CDYL: variants seen among roughly 807,000 people sequenced by gnomAD.
CDYL encodes the protein chromodomain Y like, also known as chromodomain Y-like protein.
CDYL carries 8 observed loss-of-function variants against 47.3 expected under a neutral mutation model. The ratio of observed to expected loss-of-function variants is 0.17; its 90% CI spans 0.10 to 0.31. The LOEUF (loss-of-function observed/expected upper bound fraction) is 0.31, where lower values mean the gene tolerates loss of function less well. Among genes scored for constraint, CDYL ranks in the 10% least tolerant of loss-of-function variants. The probability of loss-of-function intolerance (pLI) is 1.00; values close to 1 mark genes in which losing one functional copy is unlikely to be tolerated. For synonymous variants in CDYL, 266 were observed against 265.0 expected, an observed-to-expected ratio of 1.00 and a Z score of -0.04; for missense variants, 471 against 701.4, an observed-to-expected ratio of 0.67 and a Z score of 3.71.
At chr6:4,916,955 G>C (rs17138959) in intron 2 of CDYL, among the ~76,000 whole-genome samples, 13,244 of 152,224 alleles carry the variant, frequency 0.087, 1,471 homozygotes, top group African/African-American at 0.26. Context: ...CTGCCCACCA[G>C]AGAACTTCAG....
intron 2 of CDYL, chr6:4,724,900 C>A (rs1312046771): frequency 3.3e-5 from 5 of 152,224 alleles, no homozygotes; most frequent in African/African-American, 1.2e-4. Context: ...CTGGCTCGGG[C>A]AGCCTGCTTT....
At chr6:4,863,524 ATTG>A (rs1248052999) in intron 1 of CDYL, among the ~76,000 whole-genome samples, 2 of 152,178 alleles carry the variant, frequency 1.3e-5, no homozygotes, top group Non-Finnish European at 2.9e-5. Flanking sequence ...CTAACTAGGT[ATTG>A]TTTGACATTT....
At chr6:4,773,388 A>T (rs1310759057), upstream of CDYL, among the ~76,000 whole-genome samples, 2 of 152,158 alleles carry the variant, frequency 1.3e-5, no homozygotes, top group African/African-American at 4.8e-5. The surrounding 1 kb of genome is among the most constrained non-coding windows in gnomAD (Gnocchi z 4.6). Context: ...AATAGCACCC[A>T]CACACGTGGT....
At position 4,714,136 on chromosome 6, in the gene CDYL, G is replaced by A. The variant is rs1216723363; in HGVS notation, c.-38-1605G>A. On this transcript the variant is annotated intron_variant, in intron 1 of 8. Coordinates refer to the CDYL transcript ENST00000328908. The stretch of plus-strand genomic sequence containing the variant: ...TCATTTATTCATCCACACAGGGGAG[G>A]TTTGGGGCCAGGATCAAACCCACGT... The A allele has an allele frequency of 2.6e-5, 4 of 151,916 alleles. No individual in the cohort carries two copies. The South Asian group carries it at 8.3e-4, about 32-fold the overall frequency. 9.4% of individuals were successfully genotyped at this position (151,916 alleles called of 1,614,324 possible).
At chr6:4,869,688 C>T (rs1761420453) in intron 1 of CDYL, among the ~76,000 whole-genome samples, 1 of 152,070 alleles carries the variant, frequency 6.6e-6, no homozygotes, top group Non-Finnish European at 1.5e-5. Context: ...TTAATAACTA[C>T]CCTAATTCTA....
In CDYL at chr6:4,831,686, C is replaced by T. The variant is rs1368861188; in HGVS notation, c.24+54879C>T. ...ACCTTGGGCAGTGTGGCCATTTTCA[C>T]GATATTGATTCTTCCTACCCATGAG... On this transcript the variant is annotated intron_variant, in intron 1 of 6. Coordinates refer to ENST00000397588, the MANE Select transcript of CDYL (RefSeq NM_004824.4). Among the ~76,000 whole-genome samples, 45 of 152,120 alleles carry T rather than the reference C, an allele frequency of 3.0e-4. 1 individual carries two copies. Among genetic ancestry groups the T allele is most frequent in the Non-Finnish European group, 5.3e-4 (36 of 68,032 alleles).
intron 1 of CDYL, among the ~76,000 whole-genome samples, chr6:4,780,124 G>A (rs1758570911): frequency 6.6e-6 from 1 of 152,116 alleles, no homozygotes; most frequent in South Asian, 2.1e-4. Flanking sequence ...AAGGGTTGGG[G>A]ATGTATGGAA....
intron 1 of CDYL, among the ~76,000 whole-genome samples, chr6:4,711,337 C>T (rs997381895): frequency 1.3e-5 from 2 of 152,170 alleles, no homozygotes; most frequent in Non-Finnish European, 2.9e-5. Context: ...CACCTTGACC[C>T]GAATCTAGCA....
intron 1 of CDYL, among the ~76,000 whole-genome samples, chr6:4,814,609 T>A (rs1759618137): frequency 6.6e-6 from 1 of 152,158 alleles, no homozygotes; most frequent in Non-Finnish European, 1.5e-5. Context: ...TACTGCAGCC[T>A]CCACCTCCAA....
At chr6:4,908,740 G>T (rs187081781) in intron 2 of CDYL, among the ~76,000 whole-genome samples, 4 of 152,240 alleles carry the variant, frequency 2.6e-5, no homozygotes, top group Non-Finnish European at 5.9e-5. Flanking sequence ...AGAACCAGTA[G>T]CCCACAGGCA....
At chr6:4,718,454 T>C (rs1757310885) in intron 2 of CDYL, 1 of 152,110 alleles carries the variant, frequency 6.6e-6, no homozygotes, top group Non-Finnish European at 1.5e-5. Context: ...ATTTTTGTAT[T>C]ATAAGTAGAC....
chr6:4,854,204 A>G (rs962289714), intron 1 of CDYL, among the ~76,000 whole-genome samples: 1 of 152,204 alleles, frequency 6.6e-6, no homozygotes, highest in Non-Finnish European at 1.5e-5. Flanking sequence ...CTGTGCGAGC[A>G]CACCAGTGTC....
At position 4,765,798 on chromosome 6, in the gene CDYL, G is replaced by A. The variant is rs537989858; in HGVS notation, c.186+30954G>A. Among the ~76,000 whole-genome samples, 5 of 152,040 alleles carry A rather than the reference G, an allele frequency of 3.3e-5. No homozygotes were observed. In the South Asian group the frequency reaches 8.3e-4, roughly 25 times the overall value. On this transcript the variant is annotated intron_variant, in intron 3 of 8. Transcript: ENST00000328908. The stretch of plus-strand genomic sequence containing the variant: ...AGGCTGGTCTCGAACTCCTGACCTC[G>A]GGTGATCCACCCACCTTGGCCTCCC...
chr6:4,951,095 A>G (rs758424423), intron 5 of CDYL, among the ~76,000 whole-genome samples: 30 of 152,156 alleles, frequency 2.0e-4, no homozygotes, highest in Non-Finnish European at 3.4e-4. Flanking sequence ...AGTAAACGGC[A>G]TCAAGACATT....
intron 1 of CDYL, among the ~76,000 whole-genome samples, chr6:4,882,164 A>G: frequency 6.6e-6 from 1 of 152,186 alleles, no homozygotes; most frequent in East Asian, 1.9e-4. Flanking sequence ...CCATGACTCA[A>G]GAGTCTCTTG....
rs901784678 is a variant in CDYL at position 4,786,728 on chromosome 6, G to A, written c.24+9921G>A. ...GGGAGCATTTGTAGGGTCCCTGTTG[G>A]AATGAGGACCAATCTGCTTCATAAC... On this transcript the variant is annotated intron_variant, in intron 1 of 6. Transcript: ENST00000397588. Among the ~76,000 whole-genome samples, 3 of 152,136 alleles carry A rather than the reference G, an allele frequency of 2.0e-5. No homozygotes were observed. The South Asian group carries it at 6.2e-4, about 32-fold the overall frequency.
chr6:4,847,362 C>T (rs1237073163), intron 1 of CDYL, among the ~76,000 whole-genome samples: 2 of 152,178 alleles, frequency 1.3e-5, no homozygotes, highest in African/African-American at 4.8e-5. Flanking sequence ...TGTCTTTTTC[C>T]CCACATTCTT....
At chr6:4,767,664 GCCTACAA>G (rs1758276618) in intron 3 of CDYL, among the ~76,000 whole-genome samples, 1 of 152,016 alleles carries the variant, frequency 6.6e-6, no homozygotes, top group Non-Finnish European at 1.5e-5. Context: ...AATTAAATAG[GCCTACAA>G]AATTCCTTCA....
intron 1 of CDYL, among the ~76,000 whole-genome samples, chr6:4,827,127 T>C (rs1760002708): frequency 6.6e-6 from 1 of 152,232 alleles, no homozygotes; most frequent in Admixed American, 6.5e-5. Context: ...TCCAGCTTTC[T>C]CTTGCTTACT....
Sources: gnomAD v4.1 joint callset for allele counts (sites outside exome capture counted in the v4.1 genomes callset) on GRCh38, gnomAD v4.1.1 for gene constraint, Gnocchi (gnomAD v3.1) non-coding constraint, MANE v1.5 for transcripts, NCBI Gene and HGNC (gene_info 2026-07-23, HGNC 2026-07-21) for gene names.